Variants in CDKAL1 observed in about 807,000 individuals in gnomAD.
The protein encoded by CDKAL1 is CDKAL1 threonylcarbamoyladenosine tRNA methylthiotransferase, also known as threonylcarbamoyladenosine tRNA methylthiotransferase.
A neutral mutation model predicts 68.2 loss-of-function variants in CDKAL1; 32 were observed. The observed-to-expected ratio is 0.47, with a 90% CI of 0.35 to 0.63. The LOEUF is 0.63. CDKAL1 is among the 30% of genes least tolerant of loss of function. The pLI, the probability that CDKAL1 is intolerant of heterozygous loss-of-function variation, is 0.00. For missense variants in CDKAL1, 606 were observed against 696.7 expected (o/e 0.87, Z 1.47); for synonymous variants, 234 against 244.3 (o/e 0.96, Z 0.39).
intron 13 of CDKAL1, among the ~76,000 whole-genome samples, chr6:21,118,430 G>A (rs1259158132): frequency 6.6e-6 from 1 of 152,126 alleles, no homozygotes; most frequent in Non-Finnish European, 1.5e-5. Context: ...CAGCTAAAAG[G>A]CCACTCTCAG....
chr6:20,882,426 T>C (rs1010646095), intron 9 of CDKAL1, among the ~76,000 whole-genome samples: 1 of 152,222 alleles, frequency 6.6e-6, no homozygotes, highest in Non-Finnish European at 1.5e-5. Context: ...GACTCCCATA[T>C]CATATAACAC....
intron 14 of CDKAL1, 107 bp from the exon 15 acceptor site, chr6:21,201,003 A>T: frequency 1.0e-6 from 1 of 985,574 alleles, no homozygotes; most frequent in South Asian, 1.9e-5. Context: ...AGTTAGGTAT[A>T]CAGGAGCTCT....
At chr6:20,584,813 C>T (rs530095997) in intron 4 of CDKAL1, among the ~76,000 whole-genome samples, 9 of 152,240 alleles carry the variant, frequency 5.9e-5, no homozygotes, top group Middle Eastern at 3.4e-3. Context: ...CACTTTTCCC[C>T]GCACCAAATC....
intron 4 of CDKAL1, among the ~76,000 whole-genome samples, chr6:20,611,796 G>T (rs1022235604): frequency 6.6e-6 from 1 of 152,022 alleles, no homozygotes; most frequent in Non-Finnish European, 1.5e-5. Context: ...ACAATATATT[G>T]TTGCTGTCTG....
chr6:21,144,055 A>G (rs1435611731), intron 13 of CDKAL1, among the ~76,000 whole-genome samples: 1 of 152,180 alleles, frequency 6.6e-6, no homozygotes. Context: ...CTGAGATACC[A>G]TTCCATGTGA....
chr6:21,123,691 A>C (rs558417590), intron 13 of CDKAL1, among the ~76,000 whole-genome samples: 3 of 152,210 alleles, frequency 2.0e-5, no homozygotes, highest in African/African-American at 7.2e-5. Context: ...TCACTCCCAC[A>C]TGTTGTAAAA....
chr6:20,897,502 T>C (rs1761756051), intron 9 of CDKAL1, among the ~76,000 whole-genome samples: 1 of 152,140 alleles, frequency 6.6e-6, no homozygotes, highest in Non-Finnish European at 1.5e-5. Flanking sequence ...GGCAGCCAGA[T>C]GCCTCAGATA....
At chr6:21,053,391 AC>A (rs1770648397) in intron 11 of CDKAL1, among the ~76,000 whole-genome samples, 1 of 152,220 alleles carries the variant, frequency 6.6e-6, no homozygotes, top group East Asian at 1.9e-4. Context: ...TTGGACTGTT[AC>A]CAGTTTGGGG....
chr6:20,639,542 T>A (rs774553712), intron 4 of CDKAL1, among the ~76,000 whole-genome samples: 58 of 152,234 alleles, frequency 3.8e-4, no homozygotes, highest in Non-Finnish European at 6.3e-4. Context: ...ATGAATCACT[T>A]TTATTCTTTT....
rs1252740205 is a variant in CDKAL1, at chr6:20,589,628, G to A, written c.286+40923G>A. ...CTTTCAGCTCTTTAGGAAAGTGGAC[G>A]GCCTTCACATCAGTGGGATTGAATT... On this transcript the variant is annotated intron_variant, in intron 4 of 15. Transcript: ENST00000274695. Among the ~76,000 whole-genome samples the A allele has an allele frequency of 2.6e-5, 4 of 152,216 alleles. No homozygotes were observed. The South Asian group carries it at 6.2e-4, about 24-fold the overall frequency.
chr6:20,620,876 G>A (rs1767161796), intron 4 of CDKAL1, among the ~76,000 whole-genome samples: 1 of 152,036 alleles, frequency 6.6e-6, no homozygotes, highest in Non-Finnish European at 1.5e-5. Flanking sequence ...AGTACGGTAT[G>A]TTTGTTACAA....
intron 4 of CDKAL1, among the ~76,000 whole-genome samples, chr6:20,629,427 A>C (rs1388176132): frequency 6.6e-6 from 1 of 152,126 alleles, no homozygotes; most frequent in Non-Finnish European, 1.5e-5. Context: ...TTCGCAGTTA[A>C]ATGTATTTTG....
In CDKAL1 at chr6:20,895,744, A is replaced by G. The variant is rs79999729; in HGVS notation, c.742+49566A>G. 2.9e-3 allele frequency among the ~76,000 whole-genome samples: 446 copies of G among 152,334 alleles called. 5 individuals are homozygous for G. Among genetic ancestry groups the G allele is most frequent in the African/African-American group, 0.01 (417 of 41,574 alleles). ...CCACTGTTTATAATCATTCCTGGAA[A>G]GAAAGGGAATGGCTTCCCAAAACAA... is the stretch of plus-strand genomic sequence containing the variant. On this transcript the variant is annotated intron_variant, in intron 9 of 15. Transcript: ENST00000274695.
rs1242975460 is a variant in CDKAL1, at chr6:21,194,398, T to C, written c.1300-3623T>C. Among the ~76,000 whole-genome samples the C allele has an allele frequency of 7.2e-5, 11 of 152,352 alleles. No individual in the cohort carries two copies. The East Asian group carries it at 2.1e-3, about 29-fold the overall frequency. ...CGGTGAGGCAGCCATAGAAGTTTGC[T>C]TCTCAGATGAGTGTAGAGTCTCTTT... On this transcript the variant is annotated intron_variant, in intron 13 of 15. Coordinates refer to ENST00000274695, the MANE Select transcript of CDKAL1 (RefSeq NM_017774.3).
chr6:21,228,464 G>A (rs1439797914), intron 15 of CDKAL1, among the ~76,000 whole-genome samples: 3 of 152,222 alleles, frequency 2.0e-5, no homozygotes, highest in African/African-American at 7.2e-5. Flanking sequence ...CTTATAAAGT[G>A]ATGGTTTAAT....
At chr6:21,017,747 C>G (rs1768423655) in intron 11 of CDKAL1, among the ~76,000 whole-genome samples, 2 of 152,104 alleles carry the variant, frequency 1.3e-5, no homozygotes, top group African/African-American at 4.8e-5. Flanking sequence ...TTCTTCCAAG[C>G]TATTATATAT....
chr6:20,683,512 A>G (rs1459335237), intron 5 of CDKAL1, among the ~76,000 whole-genome samples: 2 of 152,204 alleles, frequency 1.3e-5, no homozygotes, highest in African/African-American at 4.8e-5. Context: ...GGAATTAACA[A>G]AATGATTCTT....
chr6:20,895,424 C>A (rs1330024895), intron 9 of CDKAL1, among the ~76,000 whole-genome samples: 7 of 152,186 alleles, frequency 4.6e-5, no homozygotes, highest in Non-Finnish European at 1.5e-5. Context: ...GTGGATATTA[C>A]CTAAATGCAC....
intron 4 of CDKAL1, among the ~76,000 whole-genome samples, chr6:20,592,166 T>C (rs912127294): frequency 1.3e-5 from 2 of 152,214 alleles, no homozygotes; most frequent in Admixed American, 6.5e-5. Flanking sequence ...GATTTGGCTT[T>C]CTGTTTGTCT....
Sources: gnomAD v4.1 joint callset for allele counts (sites outside exome capture counted in the v4.1 genomes callset) on GRCh38, gnomAD v4.1.1 for gene constraint, MANE v1.5 for transcripts, NCBI Gene and HGNC (gene_info 2026-07-23, HGNC 2026-07-21) for gene names.